XRN2: variants seen among roughly 807,000 people sequenced by gnomAD.
The protein encoded by XRN2 is 5'-3' exoribonuclease 2.
Under a neutral mutation model 138.5 loss-of-function variants are expected in XRN2, and 44 were observed. That is an observed-to-expected ratio of 0.32 (90% CI 0.25 to 0.41). The LOEUF (loss-of-function observed/expected upper bound fraction) is 0.41. XRN2 is among the 10% of genes least tolerant of loss of function. The probability of loss-of-function intolerance (pLI) is 1.00; values close to 1 mark genes in which losing one functional copy is unlikely to be tolerated. For synonymous variants in XRN2, 354 were observed against 369.4 expected (o/e 0.96, Z 0.48); for missense variants, 937 against 1,169.3 (o/e 0.80, Z 2.90).
chr20:21,321,208 T>C (rs1158300941), intron 1 of XRN2, among the ~76,000 whole-genome samples: 1 of 151,414 alleles, frequency 6.6e-6, no homozygotes, highest in African/African-American at 2.4e-5. Flanking sequence ...GGTTTCACCA[T>C]ATTGCCTAGG....
At chr20:21,355,537 T>C (rs2038565414) in intron 21 of XRN2, among the ~76,000 whole-genome samples, 1 of 152,106 alleles carries the variant, frequency 6.6e-6, no homozygotes. Context: ...AGAAAATGAG[T>C]TTATTATAAA....
intron 13 of XRN2, among the ~76,000 whole-genome samples, chr20:21,335,321 A>T (rs1279973646): frequency 6.6e-6 from 1 of 152,242 alleles, no homozygotes; most frequent in South Asian, 2.1e-4. Flanking sequence ...AAATCCTTTC[A>T]GAAACTGATT....
chr20:21,316,954 A>T (rs951606148), intron 1 of XRN2, among the ~76,000 whole-genome samples: 3 of 152,080 alleles, frequency 2.0e-5, no homozygotes, highest in African/African-American at 7.2e-5. Context: ...TTATATATTG[A>T]TTTTGTATCC....
At chr20:21,319,915 A>G (rs897998570) in intron 1 of XRN2, among the ~76,000 whole-genome samples, 1 of 152,196 alleles carries the variant, frequency 6.6e-6, no homozygotes, top group African/African-American at 2.4e-5. Flanking sequence ...ACTATGTAAT[A>G]TTTATACAAT....
chr20:21,341,851 CT>C (rs942222018), intron 15 of XRN2, among the ~76,000 whole-genome samples: 6 of 149,282 alleles, frequency 4.0e-5, no homozygotes, highest in Admixed American at 1.3e-4. Context: ...TGGTAGAGTA[CT>C]TTTTTTTTTA....
At chr20:21,349,345 T>A in intron 19 of XRN2, 44 bp from the exon 20 acceptor site, 1 of 1,252,412 alleles carries the variant, frequency 8.0e-7, no homozygotes, top group Non-Finnish European at 1.2e-6. Flanking sequence ...ATAACAGAGA[T>A]GTGTGACTTC....
At chr20:21,330,566 A>G (rs913185803) in intron 5 of XRN2, 27 bp downstream of exon 5, 15 of 1,613,692 alleles carry the variant, frequency 9.3e-6, no homozygotes, top group Non-Finnish European at 1.2e-5. Context: ...TTTGCTAGCT[A>G]TTGCTAACTC....
chr20:21,326,897 C>T (rs527917354), intron 3 of XRN2, among the ~76,000 whole-genome samples: 12 of 152,182 alleles, frequency 7.9e-5, no homozygotes, highest in Admixed American at 3.3e-4. Context: ...TATTTATAGG[C>T]ATTATAAGCA....
intron 27 of XRN2, among the ~76,000 whole-genome samples, chr20:21,372,307 G>A (rs1016508044): frequency 2.0e-5 from 3 of 152,204 alleles, no homozygotes; most frequent in Admixed American, 6.5e-5. Context: ...GAGCCAACAA[G>A]TGGGGAATTT....
At chr20:21,304,347 G>C (rs940682312) in intron 1 of XRN2, among the ~76,000 whole-genome samples, 3 of 141,196 alleles carry the variant, frequency 2.1e-5, no homozygotes, top group Non-Finnish European at 4.6e-5. Context: ...ACTTATTTCT[G>C]CTTTTTTTTT....
At chr20:21,321,886 C>T (rs900556804) in intron 1 of XRN2, among the ~76,000 whole-genome samples, 1 of 152,160 alleles carries the variant, frequency 6.6e-6, no homozygotes, top group African/African-American at 2.4e-5. Flanking sequence ...AAATGATGAT[C>T]AATGTCACAC....
At chr20:21,371,828 A>T (rs1196047553) in intron 27 of XRN2, among the ~76,000 whole-genome samples, 6 of 152,216 alleles carry the variant, frequency 3.9e-5, no homozygotes, top group African/African-American at 9.6e-5. Flanking sequence ...AGAGAATTTC[A>T]TGCCCTTAGG....
intron 20 of XRN2, among the ~76,000 whole-genome samples, chr20:21,352,462 G>A (rs1445824935): frequency 6.6e-6 from 1 of 151,904 alleles, no homozygotes; most frequent in African/African-American, 2.4e-5. Flanking sequence ...CTGAGTAGCT[G>A]GGATTACCGC....
At chr20:21,330,577 T>C in intron 5 of XRN2, 38 bp downstream of exon 5, 1 of 1,613,710 alleles carries the variant, frequency 6.2e-7, no homozygotes, top group Middle Eastern at 1.7e-4. Context: ...TTGCTAACTC[T>C]TAAATGATAG....
At chr20:21,327,549 AAAAAG>A in intron 3 of XRN2, among the ~76,000 whole-genome samples, 1 of 152,332 alleles carries the variant, frequency 6.6e-6, no homozygotes, top group African/African-American at 2.4e-5. Flanking sequence ...AGTAAAGAGT[AAAAAG>A]AAAAGGAATA....
intron 24 of XRN2, among the ~76,000 whole-genome samples, chr20:21,364,804 CA>C (rs55958227): frequency 0.15 from 14,292 of 95,444 alleles, 651 homozygotes; most frequent in Non-Finnish European, 0.17. Flanking sequence ...AGACCTGTCT[CA>C]AAAAAAAAAA....
At chr20:21,332,557 A>ATTG in intron 9 of XRN2, 117 bp downstream of exon 9, 2 of 1,040,648 alleles carry the variant, frequency 1.9e-6, no homozygotes, top group Non-Finnish European at 2.6e-6. Context: ...ATAGCATTAA[A>ATTG]TATTTGAGTT....
rs1481770149 is a variant in XRN2, at chr20:21,326,412, TAACC to T, written c.203+7_203+10del. 1 of 1,613,738 alleles carries T rather than the reference TAACC, an allele frequency of 6.2e-7. No homozygotes were observed. Among genetic ancestry groups the T allele is most frequent in the Non-Finnish European group, 8.5e-7 (1 of 1,179,760 alleles). On this transcript the variant is annotated splice_region_variant and intron_variant, in intron 2 of 29. Coordinates refer to ENST00000377191, the MANE Select transcript of XRN2 (RefSeq NM_012255.5). ...TGTACTCATCCTGAAGACAAGTACGTAACCCATTTTTGTCACTGATATAGCAAAT... is the reference window on the plus strand; with the variant it reads ...TGTACTCATCCTGAAGACAAGTACGTCATTTTTGTCACTGATATAGCAAAT...
chr20:21,350,791 G>T (rs936168102), intron 20 of XRN2, among the ~76,000 whole-genome samples: 2 of 152,044 alleles, frequency 1.3e-5, no homozygotes, highest in Non-Finnish European at 2.9e-5. Flanking sequence ...GAAAAATCAG[G>T]AGGCTTTGGA....
Sources: allele counts gnomAD v4.1 joint callset (sites outside exome capture counted in the v4.1 genomes callset), GRCh38; gene constraint gnomAD v4.1.1; transcripts MANE v1.5; gene names NCBI Gene and HGNC (gene_info 2026-07-23, HGNC 2026-07-21).